DPYSL3: variants seen among roughly 807,000 people sequenced by gnomAD.
DPYSL3 encodes dihydropyrimidinase-related protein 3.
Under a neutral mutation model 66.1 loss-of-function variants are expected in DPYSL3, and 16 were observed. The observed-to-expected ratio is 0.24, with a 90% confidence interval of 0.16 to 0.37. The LOEUF is 0.37. DPYSL3 is among the 10% of genes least tolerant of loss of function. The probability of loss-of-function intolerance (pLI) is 1.00; values close to 1 mark genes in which losing one functional copy is unlikely to be tolerated. For synonymous variants in DPYSL3, 338 were observed against 345.1 expected, an observed-to-expected ratio of 0.98 and a Z score of 0.23; for missense variants, 738 against 916.2, an observed-to-expected ratio of 0.81 and a Z score of 2.51.
chr5:147,413,796 A>G, intron 4 of DPYSL3, 139 bp from the exon 5 acceptor site: 2 of 696,484 alleles, frequency 2.9e-6, no homozygotes, highest in Non-Finnish European at 2.5e-6. Flanking sequence ...GCAGATATTT[A>G]TATTCTTCAA....
At chr5:147,465,115 G>T (rs967015184) in intron 1 of DPYSL3, among the ~76,000 whole-genome samples, 2 of 152,158 alleles carry the variant, frequency 1.3e-5, no homozygotes, top group African/African-American at 4.8e-5. Flanking sequence ...GATTAGTTGA[G>T]CCCAGGAGGT....
Position 147,502,376 on chromosome 5 carries a change from TACAC to T in DPYSL3, c.381+7098_381+7101del, listed in dbSNP as rs10561693. ...TTGGGAAAAAAATGCATGTCACAGA[TACAC>T]ACACACACACACACACACACATATA... On this transcript the variant is annotated intron_variant, in intron 1 of 13. Transcript: ENST00000343218. 3.0e-3 allele frequency among the ~76,000 whole-genome samples: 451 copies of T among 149,330 alleles called. 4 individuals are homozygous for T. Among genetic ancestry groups the T allele is most frequent in the East Asian group, 0.011 (57 of 5,024 alleles).
intron 1 of DPYSL3, among the ~76,000 whole-genome samples, chr5:147,502,234 G>A (rs183744013): frequency 1.2e-3 from 186 of 152,148 alleles, no homozygotes; most frequent in African/African-American, 4.4e-3. Context: ...GACCAAATCA[G>A]TATCATTACC....
At chr5:147,499,911 A>T (rs533703558) in intron 1 of DPYSL3, among the ~76,000 whole-genome samples, 3 of 152,346 alleles carry the variant, frequency 2.0e-5, no homozygotes, top group African/African-American at 7.2e-5. Context: ...ACTGATTTTT[A>T]TGAAGGAGCA....
chr5:147,442,102 G>A (rs1561789731), intron 1 of DPYSL3, among the ~76,000 whole-genome samples: 1 of 152,086 alleles, frequency 6.6e-6, no homozygotes, highest in South Asian at 2.1e-4. Context: ...TTCGCTTTGC[G>A]GGAAAAAGTG....
chr5:147,445,148 A>G (rs1752607684), intron 1 of DPYSL3, among the ~76,000 whole-genome samples: 1 of 152,198 alleles, frequency 6.6e-6, no homozygotes, highest in African/African-American at 2.4e-5. Flanking sequence ...GTTGCAGGCA[A>G]TAAGTATCCA....
At chr5:147,443,772 T>C (rs967354613) in intron 1 of DPYSL3, among the ~76,000 whole-genome samples, 13 of 152,252 alleles carry the variant, frequency 8.5e-5, no homozygotes, top group Admixed American at 6.5e-4. Flanking sequence ...AAATTCACGT[T>C]AGGAAGAATC....
chr5:147,418,366 T>C, intron 3 of DPYSL3, 81 bp downstream of exon 3: 5 of 1,386,566 alleles, frequency 3.6e-6, no homozygotes, highest in Non-Finnish European at 4.9e-6. Flanking sequence ...ATACAAGTTA[T>C]AGTAAGAGAG....
chr5:147,509,668 G>T lies in DPYSL3; in HGVS notation c.191C>A (p.Thr64Asn), dbSNP rs1349644988. 4 of 1,535,716 alleles carry T rather than the reference G, an allele frequency of 2.6e-6. No individual in the cohort carries two copies. The African/African-American group carries it at 5.5e-5, about 21-fold the overall frequency. ...GTCGCTGCCCTGGCCGCTCCGAGGA[G>T]TCTTCGCGCCCCGCTGCCCCACGCT... ...ALSVGQRGAK[T>N]PRSGQGSDRG... The change falls in exon 1 of 14, where the codon ACT becomes AAT. Residue 64 changes from threonine (T) to asparagine (N), a missense_variant. Physicochemically the swap from Thr to Asn is moderately conservative, Grantham distance 65. Transcript: ENST00000343218. The surrounding 1 kb of genome is among the most constrained non-coding windows in gnomAD (Gnocchi z 5.3).
chr5:147,424,884 C>T lies in DPYSL3; in HGVS notation c.461G>A (p.Gly154Asp). 1.9e-6 allele frequency: 3 copies of T among 1,609,406 alleles called. No individual in the cohort carries two copies. The highest frequency in any genetic ancestry group is 2.5e-6 in the Non-Finnish European group (3 of 1,177,378). Residue 154 changes from glycine to aspartate, a missense_variant, in exon 2 of 14, where the codon GGC (glycine) becomes GAC (aspartate). Physicochemically the swap from Gly to Asp is moderately conservative, Grantham distance 94. Transcript: ENST00000343218. ...SFYADIYMED[G>D]LIKQIGDNLI... ...AATTCCATATACATACTTTATTAAG[C>T]CATCTTCCATGTAAATATCAGCATA...
intron 8 of DPYSL3, among the ~76,000 whole-genome samples, chr5:147,403,942 G>T (rs774716425): frequency 6.6e-6 from 1 of 152,086 alleles, no homozygotes; most frequent in Non-Finnish European, 1.5e-5. Flanking sequence ...TTTAAAATAA[G>T]ACCAGCATAT....
Position 147,499,274 on chromosome 5 carries a change from A to T in DPYSL3, c.381+10204T>A, listed in dbSNP as rs922791564. On this transcript the variant is annotated intron_variant, in intron 1 of 13. Transcript: ENST00000343218. ...AAGAATTGAGCAAAGAAAAGCCCTC[A>T]GGAACTAGTAAGTGATTATAGCAAG... Among the ~76,000 whole-genome samples the T allele has an allele frequency of 2.0e-5, 3 of 152,352 alleles. No individual in the cohort carries two copies. The South Asian group carries it at 6.2e-4, about 32-fold the overall frequency.
chr5:147,412,331 C>T (rs1751870750), intron 6 of DPYSL3, among the ~76,000 whole-genome samples: 1 of 152,206 alleles, frequency 6.6e-6, no homozygotes, highest in African/African-American at 2.4e-5. Context: ...TTAAATGTTC[C>T]AATTTGAAAT....
At chr5:147,452,469 A>ACACACACC (rs3064306) in intron 1 of DPYSL3, among the ~76,000 whole-genome samples, 2 of 150,708 alleles carry the variant, frequency 1.3e-5, no homozygotes, top group African/African-American at 4.9e-5. Context: ...ACACACACAC[A>ACACACACC]CCATCCAATT....
chr5:147,481,983 T>C (rs944567994), intron 1 of DPYSL3, among the ~76,000 whole-genome samples: 2 of 152,216 alleles, frequency 1.3e-5, no homozygotes, highest in Admixed American at 6.5e-5. Flanking sequence ...ATAATACTGA[T>C]GTAGGAAGAT....
intron 1 of DPYSL3, among the ~76,000 whole-genome samples, chr5:147,505,248 T>G (rs1488828441): frequency 1.3e-5 from 2 of 152,184 alleles, no homozygotes; most frequent in African/African-American, 4.8e-5. Flanking sequence ...GACGTTTTTT[T>G]TTTTGAGACG....
intron 12 of DPYSL3, 150 bp from the exon 13 acceptor site, chr5:147,395,871 AAAAT>A: frequency 4.0e-6 from 4 of 998,366 alleles, no homozygotes; most frequent in South Asian, 1.6e-5. Flanking sequence ...GAAGTAGTAT[AAAAT>A]AAATAAAGGA....
chr5:147,397,885 G>C (rs11281532), intron 11 of DPYSL3, 40 bp from the exon 12 acceptor site: 19 of 580,684 alleles, frequency 3.3e-5, no homozygotes, highest in Non-Finnish European at 4.0e-5. Flanking sequence ...AGTAAGGGTA[G>C]AGAAAGAGGA....
intron 7 of DPYSL3, 110 bp downstream of exon 7, chr5:147,408,617 TG>T: frequency 8.9e-7 from 1 of 1,122,552 alleles, no homozygotes; most frequent in Non-Finnish European, 1.3e-6. Context: ...CAATCAGAAG[TG>T]GTCTTTGGAA....
Sources: gnomAD v4.1 joint callset for allele counts (sites outside exome capture counted in the v4.1 genomes callset) on GRCh38, gnomAD v4.1.1 for gene constraint, Gnocchi (gnomAD v3.1) non-coding constraint, MANE v1.5 for transcripts, NCBI Gene and HGNC (gene_info 2026-07-23, HGNC 2026-07-21) for gene names.